TMEM40: variants seen among roughly 807,000 people sequenced by gnomAD.
TMEM40 encodes the protein transmembrane protein 40.
Under a neutral mutation model 40.8 loss-of-function variants are expected in TMEM40, and 34 were observed. The observed-to-expected ratio is 0.83, with a 90% confidence interval of 0.63 to 1.11. The LOEUF (loss-of-function observed/expected upper bound fraction) is 1.11. Among genes scored for constraint, TMEM40 ranks in the 50% least tolerant of loss-of-function variants. The pLI, the probability that TMEM40 is intolerant of heterozygous loss-of-function variation, is 0.00. For missense variants in TMEM40, 296 were observed against 280.2 expected (o/e 1.06, Z -0.40); for synonymous variants, 106 against 107.0 (o/e 0.99, Z 0.06).
chr3:12,747,843 G>A (rs948670647), intron 3 of TMEM40, among the ~76,000 whole-genome samples: 14 of 149,514 alleles, frequency 9.4e-5, no homozygotes, highest in Non-Finnish European at 8.9e-5. Context: ...CCCAGGAGGC[G>A]GAGGTTGCAG....
chr3:12,755,192 TTCC>T (rs1559533151), intron 1 of TMEM40, among the ~76,000 whole-genome samples: 1 of 98,064 alleles, frequency 1.0e-5, no homozygotes, highest in African/African-American at 4.7e-5. Context: ...CCTTCCTTCC[TTCC>T]TTCCTTTCTT....
chr3:12,735,669 C>T (rs909095201), intron 10 of TMEM40, 52 bp from the exon 11 acceptor site: 27 of 1,509,778 alleles, frequency 1.8e-5, no homozygotes, highest in Non-Finnish European at 2.5e-5. Flanking sequence ...CAACAAGGGA[C>T]ACCAGGCCAC....
chr3:12,748,470 A>G (rs2106615182), intron 3 of TMEM40, among the ~76,000 whole-genome samples, 185 bp downstream of exon 3: 1 of 152,364 alleles, frequency 6.6e-6, no homozygotes, highest in South Asian at 2.1e-4. Context: ...GGAGGACAAA[A>G]TTGCCTATAC....
intron 1 of TMEM40, among the ~76,000 whole-genome samples, chr3:12,764,690 T>C (rs2061586246): frequency 6.6e-6 from 1 of 152,160 alleles, no homozygotes; most frequent in African/African-American, 2.4e-5. Flanking sequence ...ATGGGCATAA[T>C]GAAAGCTTGC....
chr3:12,738,640 A>G, intron 5 of TMEM40, 52 bp from the exon 6 acceptor site: 2 of 1,583,142 alleles, frequency 1.3e-6, no homozygotes, highest in East Asian at 2.2e-5. Flanking sequence ...CTGGGGGGGG[A>G]GAAGTCATGC....
intron 5 of TMEM40, among the ~76,000 whole-genome samples, chr3:12,740,608 A>G (rs564261024): frequency 6.6e-6 from 1 of 151,408 alleles, no homozygotes; most frequent in South Asian, 2.1e-4. Flanking sequence ...TTGTAATCCC[A>G]GCACTTTGGA....
chr3:12,756,624 G>A (rs1051405996), intron 1 of TMEM40, among the ~76,000 whole-genome samples: 11 of 152,138 alleles, frequency 7.2e-5, no homozygotes, highest in African/African-American at 1.4e-4. Flanking sequence ...GGCTCGCATC[G>A]TCCTAACTTG....
At chr3:12,769,175 A>C in intron 1 of TMEM40, 1 of 315,296 alleles carries the variant, frequency 3.2e-6, no homozygotes, top group Non-Finnish European at 6.9e-6. Context: ...ACCAAGCCCA[A>C]GCCCACCCGG....
At chr3:12,766,996 A>G (rs2061597216) in intron 1 of TMEM40, among the ~76,000 whole-genome samples, 1 of 152,080 alleles carries the variant, frequency 6.6e-6, no homozygotes, top group South Asian at 2.1e-4. Flanking sequence ...GAAGCCAGAC[A>G]AGGGAGAGAG....
intron 8 of TMEM40, 44 bp downstream of exon 8, chr3:12,737,663 T>C (rs773570530): frequency 1.3e-6 from 2 of 1,598,476 alleles, no homozygotes; most frequent in South Asian, 2.2e-5. Context: ...CCTAGAAATC[T>C]AGCCAGACAG....
intron 10 of TMEM40, 140 bp from the exon 11 acceptor site, chr3:12,735,757 G>A (rs567844773): frequency 1.6e-6 from 1 of 618,624 alleles, no homozygotes; most frequent in African/African-American, 1.9e-5. Context: ...TTAGATAATG[G>A]TACTAGAGTT....
At chr3:12,745,263 T>C (rs575549246) in intron 3 of TMEM40, among the ~76,000 whole-genome samples, 383 of 146,798 alleles carry the variant, frequency 2.6e-3, no homozygotes, top group African/African-American at 9.0e-3. Context: ...AGACGAGGTT[T>C]CACCATGTTA....
intron 1 of TMEM40, among the ~76,000 whole-genome samples, chr3:12,755,271 C>CTTTCTT (rs1293230400): frequency 1.8e-5 from 2 of 109,914 alleles, no homozygotes; most frequent in Non-Finnish European, 3.5e-5. Context: ...TTCTTTCTTT[C>CTTTCTT]TTTCTTTCTT....
intron 5 of TMEM40, among the ~76,000 whole-genome samples, chr3:12,739,434 G>A (rs937693132): frequency 1.3e-5 from 2 of 151,892 alleles, no homozygotes; most frequent in Non-Finnish European, 2.9e-5. Flanking sequence ...ACAGGCGCCC[G>A]CCACCACGCC....
At chr3:12,755,491 G>A (rs2061520484) in intron 1 of TMEM40, among the ~76,000 whole-genome samples, 1 of 151,860 alleles carries the variant, frequency 6.6e-6, no homozygotes, top group Non-Finnish European at 1.5e-5. Flanking sequence ...CAACAGCTTT[G>A]GGGTTGTCCT....
At chr3:12,753,823 C>A (rs1021365669) in intron 1 of TMEM40, among the ~76,000 whole-genome samples, 3 of 152,192 alleles carry the variant, frequency 2.0e-5, no homozygotes, top group Non-Finnish European at 4.4e-5. Flanking sequence ...TCCTGCTAAA[C>A]TGGATTTCCC....
chr3:12,751,179 G>A (rs909547361), intron 1 of TMEM40, among the ~76,000 whole-genome samples: 4 of 150,870 alleles, frequency 2.7e-5, no homozygotes, highest in African/African-American at 7.3e-5. Context: ...TTGTGAATGC[G>A]TGTTTCCTTC....
intron 3 of TMEM40, among the ~76,000 whole-genome samples, chr3:12,747,322 G>A (rs76032005): frequency 0.018 from 2,797 of 152,160 alleles, 57 homozygotes; most frequent in African/African-American, 0.041. Context: ...AAAGACCTCC[G>A]GGGAATCCCA....
intron 1 of TMEM40, among the ~76,000 whole-genome samples, chr3:12,765,866 T>C (rs978580535): frequency 6.6e-6 from 1 of 151,756 alleles, no homozygotes; most frequent in African/African-American, 2.4e-5. Context: ...CCCAGCCTCT[T>C]TCTTTCTGAG....
Sources: gnomAD v4.1 joint callset for allele counts (sites outside exome capture counted in the v4.1 genomes callset) on GRCh38, gnomAD v4.1.1 for gene constraint, MANE v1.5 for transcripts, NCBI Gene and HGNC (gene_info 2026-07-23, HGNC 2026-07-21) for gene names.